Variants in C1QTNF7 observed in about 807,000 individuals in gnomAD.
C1QTNF7 encodes complement C1q tumor necrosis factor-related protein 7.
Under a neutral mutation model 19.6 loss-of-function variants are expected in C1QTNF7, and 15 were observed. The observed-to-expected ratio is 0.76, with a 90% CI of 0.51 to 1.18. The LOEUF is 1.18. Ranked by LOEUF, C1QTNF7 falls within the 50% of genes most tolerant of loss-of-function variation. C1QTNF7 has a pLI of 0.00. For missense variants in C1QTNF7, 324 were observed against 359.7 expected (o/e 0.90, Z 0.80); for synonymous variants, 142 against 137.5 (o/e 1.03, Z -0.23).
At chr4:15,393,068 T>TC (rs1451316091) in intron 1 of C1QTNF7, among the ~76,000 whole-genome samples, 2 of 152,166 alleles carry the variant, frequency 1.3e-5, no homozygotes, top group Admixed American at 6.5e-5. Context: ...TGGGGGTGGT[T>TC]CCCCCCATAC....
chr4:15,405,757 A>G lies in C1QTNF7; in HGVS notation c.14-29979A>G, dbSNP rs536034803. The stretch of plus-strand genomic sequence containing the variant: ...CTCCGGCTTCCTTCAAGACCTTCCT[A>G]TTGACCTTCAAATAAAAAAACTCCT... On this transcript the variant is annotated intron_variant, in intron 1 of 2. Coordinates refer to the C1QTNF7 transcript ENST00000295297. 3.3e-5 allele frequency among the ~76,000 whole-genome samples: 5 copies of G among 152,232 alleles called. No homozygotes were observed. The South Asian group carries it at 8.3e-4, about 25-fold the overall frequency.
chr4:15,407,822 A>C (rs1225977319), intron 1 of C1QTNF7, among the ~76,000 whole-genome samples: 1 of 152,140 alleles, frequency 6.6e-6, no homozygotes, highest in Non-Finnish European at 1.5e-5. Context: ...GCTATTCAGG[A>C]GGCTAAGGCA....
At chr4:15,385,665 T>C (rs747626903) in intron 1 of C1QTNF7, among the ~76,000 whole-genome samples, 4 of 152,112 alleles carry the variant, frequency 2.6e-5, no homozygotes, top group African/African-American at 4.8e-5. Flanking sequence ...CTGACAGATC[T>C]GAAAGTCCAC....
At chr4:15,423,435 C>G (rs1435096803), upstream of C1QTNF7, among the ~76,000 whole-genome samples, 1 of 152,122 alleles carries the variant, frequency 6.6e-6, no homozygotes, top group African/African-American at 2.4e-5. Context: ...CTCCTTTTCT[C>G]ATAAGAACCC....
At chr4:15,405,675 T>C (rs527531765) in intron 1 of C1QTNF7, among the ~76,000 whole-genome samples, 1 of 152,306 alleles carries the variant, frequency 6.6e-6, no homozygotes, top group Non-Finnish European at 1.5e-5. Context: ...ATAATATAGT[T>C]GAAGATCAAA....
intron 1 of C1QTNF7, among the ~76,000 whole-genome samples, chr4:15,407,779 T>C (rs1171241397): frequency 1.3e-5 from 2 of 152,134 alleles, no homozygotes; most frequent in Admixed American, 6.6e-5. Context: ...ATATACATGT[T>C]AGCCGGGTGT....
At chr4:15,420,466 G>T (rs907256362) in intron 1 of C1QTNF7, among the ~76,000 whole-genome samples, 40 of 152,166 alleles carry the variant, frequency 2.6e-4, no homozygotes, top group Admixed American at 1.0e-3. Context: ...GAAAGAAAAA[G>T]GAATGCCTCT....
chr4:15,417,880 G>A (rs576970074), intron 1 of C1QTNF7, among the ~76,000 whole-genome samples: 42 of 152,162 alleles, frequency 2.8e-4, no homozygotes, highest in African/African-American at 9.9e-4. Context: ...AAGGGAAGAG[G>A]TGCCACATAC....
intron 1 of C1QTNF7, among the ~76,000 whole-genome samples, chr4:15,371,991 G>A (rs969567891): frequency 2.6e-5 from 4 of 152,198 alleles, no homozygotes; most frequent in African/African-American, 9.7e-5. Context: ...GAGGCAGAAT[G>A]TGTCATGAGG....
At chr4:15,367,687 A>G (rs1338012238) in intron 1 of C1QTNF7, among the ~76,000 whole-genome samples, 1 of 152,228 alleles carries the variant, frequency 6.6e-6, no homozygotes, top group Non-Finnish European at 1.5e-5. Context: ...ACCTTTTGGT[A>G]GCCTTGAGAT....
At chr4:15,370,248 T>C (rs955082177) in intron 1 of C1QTNF7, among the ~76,000 whole-genome samples, 17 of 152,052 alleles carry the variant, frequency 1.1e-4, no homozygotes, top group Middle Eastern at 3.2e-3. Flanking sequence ...GACCAACAAC[T>C]GGCGAAAAAA....
chr4:15,405,076 C>A (rs535514541), intron 1 of C1QTNF7, among the ~76,000 whole-genome samples: 1 of 152,258 alleles, frequency 6.6e-6, no homozygotes, highest in South Asian at 2.1e-4. Flanking sequence ...ATACACACAA[C>A]CATGGCTTAA....
chr4:15,435,749 T>G lies in C1QTNF7; in HGVS notation c.6T>G (p.Phe2Leu). M[F>L]VLLYVTSFAI... Reference sequence around the variant, plus strand: ...TTTCTCTTCCAGAGCCAAAGATGTTTGTCTTGCTCTATGTTACAAGTTTTG... The same window carrying G: ...TTTCTCTTCCAGAGCCAAAGATGTTGGTCTTGCTCTATGTTACAAGTTTTG... Residue 2 changes from phenylalanine to leucine, a missense_variant, in exon 2 of 3, where the codon TTT becomes TTG. Coordinates refer to ENST00000444304, the MANE Select transcript of C1QTNF7 (RefSeq NM_031911.5). The G allele has an allele frequency of 1.2e-6, 2 of 1,614,164 alleles. No homozygotes were observed. Among genetic ancestry groups the G allele is most frequent in the Non-Finnish European group, 1.7e-6 (2 of 1,180,002 alleles).
intron 1 of C1QTNF7, among the ~76,000 whole-genome samples, chr4:15,383,255 C>G (rs1038572595): frequency 6.6e-6 from 1 of 152,106 alleles, no homozygotes; most frequent in African/African-American, 2.4e-5. Context: ...CCAATCCCCC[C>G]AAATGATAAT....
chr4:15,410,785 G>A (rs968238045), intron 1 of C1QTNF7, among the ~76,000 whole-genome samples: 2 of 152,142 alleles, frequency 1.3e-5, no homozygotes, highest in Non-Finnish European at 2.9e-5. Context: ...CTTTCTCTCT[G>A]GTTTTCAGAA....
At chr4:15,360,407 G>A (rs748887653) in intron 1 of C1QTNF7, among the ~76,000 whole-genome samples, 16 of 152,108 alleles carry the variant, frequency 1.1e-4, no homozygotes, top group Admixed American at 3.3e-4. Context: ...GTATGCTTAC[G>A]TTTAAGAACA....
upstream of C1QTNF7, among the ~76,000 whole-genome samples, chr4:15,423,694 C>T (rs774470514): frequency 2.4e-4 from 36 of 152,220 alleles, 1 homozygote; most frequent in Admixed American, 1.3e-4. Flanking sequence ...CAGGCTTATG[C>T]CTGCCTTTGC....
At position 15,443,199 on chromosome 4, in the gene C1QTNF7, CT is replaced by C. The variant is rs1712857459; in HGVS notation, c.*401del. On this transcript the variant is annotated 3_prime_UTR_variant, in exon 3 of 3. Transcript: ENST00000444304. ...AAAATCTTTGACAATTCTCGAAAGG[CT>C]ATATAGTAAGTCAAAAACCAAAGGT... is the stretch of plus-strand genomic sequence containing the variant. 1 of 155,826 alleles carries C rather than the reference CT, an allele frequency of 6.4e-6. No individual in the cohort carries two copies. Among genetic ancestry groups the C allele is most frequent in the Admixed American group, 6.4e-5 (1 of 15,702 alleles). 9.7% of individuals were successfully genotyped at this position (155,826 alleles called of 1,614,324 possible).
intron 1 of C1QTNF7, among the ~76,000 whole-genome samples, chr4:15,392,768 A>C (rs1718617503): frequency 6.6e-6 from 1 of 152,156 alleles, no homozygotes; most frequent in Non-Finnish European, 1.5e-5. Context: ...AATAATTATG[A>C]TATAGAAAGG....
Sources: allele counts gnomAD v4.1 joint callset (sites outside exome capture counted in the v4.1 genomes callset), GRCh38; gene constraint gnomAD v4.1.1; transcripts MANE v1.5; gene names NCBI Gene and HGNC (gene_info 2026-07-23, HGNC 2026-07-21).